ANKS3: variants seen among roughly 807,000 people sequenced by gnomAD.
ANKS3 encodes ankyrin repeat and SAM domain-containing protein 3.
Under a neutral mutation model 80.7 loss-of-function variants are expected in ANKS3, and 62 were observed. The observed-to-expected ratio is 0.77, with a 90% CI of 0.63 to 0.95. The LOEUF (loss-of-function observed/expected upper bound fraction) is 0.95. Among genes scored for constraint, ANKS3 ranks in the 40% least tolerant of loss-of-function variants. The pLI is 0.00. For missense variants in ANKS3, 1,150 were observed against 883.6 expected, an observed-to-expected ratio of 1.30 and a Z score of -3.82; for synonymous variants, 489 against 355.3, an observed-to-expected ratio of 1.38 and a Z score of -4.23.
intron 6 of ANKS3, among the ~76,000 whole-genome samples, chr16:4,722,501 G>C (rs1186491788): frequency 1.3e-5 from 2 of 151,240 alleles, no homozygotes; most frequent in African/African-American, 4.9e-5. Context: ...TCTTAAACCT[G>C]GGAGGTGGAG....
intron 8 of ANKS3, among the ~76,000 whole-genome samples, chr16:4,703,561 T>C (rs57802024): frequency 0.01 from 1,569 of 152,018 alleles, 23 homozygotes; most frequent in African/African-American, 0.037. Context: ...GCTGGGATTA[T>C]AGGCACGTAC....
intron 1 of ANKS3, among the ~76,000 whole-genome samples, chr16:4,732,360 C>T (rs1232590685): frequency 6.6e-6 from 1 of 152,148 alleles, no homozygotes; most frequent in Non-Finnish European, 1.5e-5. Flanking sequence ...CGCCAAAGGC[C>T]TCCTGCAGGG....
intron 9 of ANKS3, 113 bp downstream of exon 9, chr16:4,701,989 C>A (rs780609726): frequency 1.5e-6 from 2 of 1,325,612 alleles, no homozygotes; most frequent in African/African-American, 1.5e-5. Flanking sequence ...CCTTTCCTGT[C>A]CTCTGCTGGA....
chr16:4,726,838 C>A, intron 4 of ANKS3, 58 bp from the exon 5 acceptor site: 3 of 1,599,484 alleles, frequency 1.9e-6, no homozygotes, highest in East Asian at 2.2e-5. Flanking sequence ...GGGGCGGGCG[C>A]CCTCCAGGCG....
chr16:4,697,832 T>G (rs1455269322), intron 15 of ANKS3, 145 bp downstream of exon 15: 1 of 810,658 alleles, frequency 1.2e-6, no homozygotes, highest in Non-Finnish European at 1.9e-6. Flanking sequence ...CCTCTTTTCC[T>G]TGGACTCTGG....
At chr16:4,723,187 G>A (rs1318559174) in intron 6 of ANKS3, among the ~76,000 whole-genome samples, 1 of 152,072 alleles carries the variant, frequency 6.6e-6, no homozygotes, top group African/African-American at 2.4e-5. Context: ...ATACCAACAA[G>A]TCACCCACTT....
At chr16:4,725,976 T>C (rs981740154) in intron 5 of ANKS3, among the ~76,000 whole-genome samples, 2 of 64,920 alleles carry the variant, frequency 3.1e-5, no homozygotes, top group African/African-American at 8.1e-5. Context: ...TGACTGTTGT[T>C]TTTGTTTTTT....
chr16:4,697,864 T>C lies in ANKS3; in HGVS notation c.1810+113A>G, dbSNP rs556253883. ...CTGGGATCATGTGCACACAGGGACCTGGGAGAGTGGCTGCCGGCCGGAGAA... is the reference window on the plus strand; with the variant it reads ...CTGGGATCATGTGCACACAGGGACCCGGGAGAGTGGCTGCCGGCCGGAGAA... On this transcript the variant is annotated intron_variant, in intron 15 of 17. Transcript: ENST00000304283. The C allele has an allele frequency of 8.1e-5, 83 of 1,030,948 alleles. No individual in the cohort carries two copies. In the African/African-American group the frequency reaches 1.2e-3, roughly 15 times the overall value. 63.9% of individuals were successfully genotyped at this position (1,030,948 alleles called of 1,614,324 possible).
intron 8 of ANKS3, among the ~76,000 whole-genome samples, chr16:4,703,894 A>G (rs2080050166): frequency 6.6e-6 from 1 of 152,240 alleles, no homozygotes. Flanking sequence ...ATTTTGTTAA[A>G]GCATTTGTTG....
chr16:4,718,349 C>T (rs1454805203), intron 6 of ANKS3, among the ~76,000 whole-genome samples: 2 of 152,078 alleles, frequency 1.3e-5, no homozygotes. Context: ...AGTTTAGAAA[C>T]CCTGGAACAA....
Position 4,729,982 on chromosome 16 carries a change from C to T in ANKS3, c.168G>A (p.Gln56=), listed in dbSNP as rs756870058. 8 of 1,499,688 alleles carry T rather than the reference C, an allele frequency of 5.3e-6. No individual in the cohort carries two copies. Among genetic ancestry groups the T allele is most frequent in the Non-Finnish European group, 7.2e-6 (8 of 1,113,958 alleles). 92.9% of individuals were successfully genotyped at this position (1,499,688 alleles called of 1,614,324 possible). A position where few individuals can be genotyped will look rare whatever the true frequency, so the allele number is the denominator to read the frequency against. The change falls in exon 3 of 18, where the codon CAG becomes CAA. Residue 56 remains glutamine, a splice_region_variant and synonymous_variant. Transcript: ENST00000304283. Reference sequence around the variant, plus strand: ...GGAAGTTCCCCGAGATCTCTTACCGCTGCACACACTCCTTCACCACTTCAT... The same window carrying T: ...GGAAGTTCCCCGAGATCTCTTACCGTTGCACACACTCCTTCACCACTTCAT... The part of the protein sequence containing the change: ...GQYEVVKECV[Q]RRELDLNKKN...
intron 6 of ANKS3, 153 bp from the exon 7 acceptor site, chr16:4,714,339 T>C: frequency 8.7e-7 from 1 of 1,145,724 alleles, no homozygotes. Flanking sequence ...GAGGCAGGCT[T>C]GTCTGCACCG....
intron 6 of ANKS3, among the ~76,000 whole-genome samples, chr16:4,722,082 G>A (rs913485998): frequency 1.3e-5 from 2 of 151,422 alleles, no homozygotes; most frequent in Admixed American, 1.3e-4. Flanking sequence ...CCAAGGAGAC[G>A]CAGGCAGGGT....
At chr16:4,698,313 G>C (rs1338686791) in intron 14 of ANKS3, 114 bp downstream of exon 14, 2 of 1,375,958 alleles carry the variant, frequency 1.5e-6, no homozygotes, top group Non-Finnish European at 1.9e-6. Context: ...GGTGGCTCCA[G>C]ACCCTGAAAT....
chr16:4,699,211 T>A, intron 11 of ANKS3, 35 bp from the exon 12 acceptor site: 1 of 1,610,804 alleles, frequency 6.2e-7, no homozygotes, highest in Middle Eastern at 1.7e-4. Context: ...GGGGAGGTAG[T>A]GGCTGACGAC....
At chr16:4,716,734 G>A (rs1046213409) in intron 6 of ANKS3, among the ~76,000 whole-genome samples, 1 of 151,764 alleles carries the variant, frequency 6.6e-6, no homozygotes, top group Non-Finnish European at 1.5e-5. Flanking sequence ...GGGCAATGTG[G>A]TGAAACCCCG....
intron 6 of ANKS3, among the ~76,000 whole-genome samples, chr16:4,723,841 C>G (rs1455089932): frequency 6.6e-6 from 1 of 151,720 alleles, no homozygotes; most frequent in African/African-American, 2.4e-5. Context: ...CGCTTGAGCT[C>G]AGGAATTCAA....
chr16:4,706,510 C>T lies in ANKS3; in HGVS notation c.710-1257G>A, dbSNP rs552600533. Among the ~76,000 whole-genome samples the T allele has an allele frequency of 5.1e-3, 772 of 152,308 alleles. 5 individuals are homozygous for T. Among genetic ancestry groups the T allele is most frequent in the Admixed American group, 9.5e-3 (145 of 15,302 alleles). On this transcript the variant is annotated intron_variant, in intron 7 of 17. Coordinates refer to ENST00000304283, the MANE Select transcript of ANKS3 (RefSeq NM_133450.4). ...TTGGCCTCCCACAAAGTGCTGGCAT[C>T]ACAGGAGTGAGCCACAGCGCCCAGC... is the stretch of plus-strand genomic sequence containing the variant.
chr16:4,716,006 G>A (rs76875452), intron 6 of ANKS3, among the ~76,000 whole-genome samples: 9,768 of 152,118 alleles, frequency 0.064, 416 homozygotes, highest in Middle Eastern at 0.12. Context: ...GCCCATTTAC[G>A]TGGTGGGTGG....
Sources: gnomAD v4.1 joint callset for allele counts (sites outside exome capture counted in the v4.1 genomes callset) on GRCh38, gnomAD v4.1.1 for gene constraint, MANE v1.5 for transcripts, NCBI Gene and HGNC (gene_info 2026-07-23, HGNC 2026-07-21) for gene names.